ACO2: variants seen among roughly 807,000 people sequenced by gnomAD.
The protein encoded by ACO2 is aconitase 2, also known as aconitate hydratase, mitochondrial.
A neutral mutation model predicts 84.5 loss-of-function variants in ACO2; 31 were observed. The ratio of observed to expected loss-of-function variants is 0.37; its 90% CI spans 0.28 to 0.50. The LOEUF (loss-of-function observed/expected upper bound fraction) is 0.50. ACO2 is among the 20% of genes least tolerant of loss of function. The pLI is 0.97. For synonymous variants in ACO2, 414 were observed against 412.7 expected (o/e 1.00, Z -0.04); for missense variants, 685 against 1,029.3 (o/e 0.67, Z 4.58).
rs1253959945 is a variant in ACO2, at chr22:41,528,712, G to A, written c.*99G>A. ...CAGCCATGGCTTCCTATTCCAAGAT[G>A]GTGTGACCAGACATGCTTCCTGCTC... On this transcript the variant is annotated 3_prime_UTR_variant, in exon 18 of 18. Coordinates refer to ENST00000216254, the MANE Select transcript of ACO2 (RefSeq NM_001098.3). 6.7e-7 allele frequency: 1 copy of A among 1,489,270 alleles called. No homozygotes were observed. Among genetic ancestry groups the A allele is most frequent in the Non-Finnish European group, 9.0e-7 (1 of 1,112,600 alleles). 92.3% of individuals were successfully genotyped at this position (1,489,270 alleles called of 1,614,324 possible).
intron 1 of ACO2, among the ~76,000 whole-genome samples, chr22:41,472,869 T>G: frequency 6.6e-6 from 1 of 152,240 alleles, no homozygotes; most frequent in East Asian, 1.9e-4. Flanking sequence ...ATTAGGTGTT[T>G]GGTTTTGCCT....
chr22:41,499,766 T>C lies in ACO2; in HGVS notation c.77T>C (p.Leu26Pro). ...GVRQYHVASV[L>P]CQRAKVAMSH... is the part of the protein sequence containing the mutation. ...CGGCAGTACCATGTGGCCTCAGTCC[T>C]GTGCCAACGGGCCAAGGTGGCGATG... is the stretch of plus-strand genomic sequence containing the variant. Residue 26 changes from leucine to proline, a missense_variant, in exon 2 of 18, where the codon CTG becomes CCG. Physicochemically the swap from Leu to Pro is moderately conservative, Grantham distance 98. Coordinates refer to ENST00000216254, the MANE Select transcript of ACO2 (RefSeq NM_001098.3). 6.2e-7 allele frequency: 1 copy of C among 1,613,882 alleles called. No homozygotes were observed. The highest frequency in any genetic ancestry group is 8.5e-7 in the Non-Finnish European group (1 of 1,180,024).
At chr22:41,479,673 G>T (rs571399415) in intron 1 of ACO2, among the ~76,000 whole-genome samples, 1 of 152,230 alleles carries the variant, frequency 6.6e-6, no homozygotes, top group Non-Finnish European at 1.5e-5. Context: ...TGGGGGAGAG[G>T]CTAGAGGGGT....
chr22:41,518,699 C>T lies in ACO2; in HGVS notation c.1032+127C>T, dbSNP rs577358969. ...CTGTAATCCCAGCACTTTGGGAGGC[C>T]AAGGCAGGTGGGTCAGTTGAGGTCA... On this transcript the variant is annotated intron_variant, in intron 8 of 17. Transcript: ENST00000216254. 6.7e-3 allele frequency: 4,873 copies of T among 731,532 alleles called. 33 individuals carry two copies. The highest frequency in any genetic ancestry group is 9.1e-3 in the Non-Finnish European group (3,874 of 423,498). The allele number at this position is 731,532 out of a possible 1,614,324, so 45.3% of individuals were successfully genotyped here.
chr22:41,503,512 G>A (rs1297334641), intron 2 of ACO2, among the ~76,000 whole-genome samples: 1 of 152,010 alleles, frequency 6.6e-6, no homozygotes, highest in Non-Finnish European at 1.5e-5. Flanking sequence ...TGTATTTTTA[G>A]TAGAGAAGGG....
At chr22:41,502,033 A>G (rs2066357164) in intron 2 of ACO2, among the ~76,000 whole-genome samples, 2 of 152,072 alleles carry the variant, frequency 1.3e-5, no homozygotes, top group South Asian at 2.1e-4. Flanking sequence ...TCTGCAGGTA[A>G]CAAAATTGAA....
At chr22:41,491,903 G>A (rs1000102728) in intron 1 of ACO2, among the ~76,000 whole-genome samples, 2 of 152,138 alleles carry the variant, frequency 1.3e-5, no homozygotes, top group East Asian at 1.9e-4. Flanking sequence ...TCTTCAATCC[G>A]AACTACCACA....
At chr22:41,522,759 T>C (rs1275192449) in intron 9 of ACO2, 71 bp from the exon 10 acceptor site, 103 of 1,547,718 alleles carry the variant, frequency 6.7e-5, no homozygotes, top group Non-Finnish European at 8.6e-5. Context: ...TCTGGATAAT[T>C]TGAAGTCAGG....
intron 2 of ACO2, among the ~76,000 whole-genome samples, chr22:41,504,711 CTTTTTTTTTTTTTTTTT>C (rs926246283): frequency 4.1e-5 from 2 of 48,604 alleles, no homozygotes; most frequent in South Asian, 7.8e-4. Context: ...ACCTTAGGGA[CTTTTTTTTTTTTTTTTT>C]TTTTTTTTTT....
chr22:41,525,918 C>T (rs1458358627), intron 14 of ACO2: 2 of 249,174 alleles, frequency 8.0e-6, no homozygotes, highest in Non-Finnish European at 1.5e-5. Flanking sequence ...AGGACCCAGG[C>T]ATGTCCTGGG....
intron 1 of ACO2, among the ~76,000 whole-genome samples, chr22:41,493,348 A>G (rs904859497): frequency 6.6e-6 from 1 of 152,014 alleles, no homozygotes; most frequent in Non-Finnish European, 1.5e-5. Flanking sequence ...CCATGTGTAG[A>G]GAATGAAATT....
chr22:41,485,815 G>A (rs1251684772), intron 1 of ACO2, among the ~76,000 whole-genome samples: 1 of 151,790 alleles, frequency 6.6e-6, no homozygotes, highest in Admixed American at 6.6e-5. Flanking sequence ...TCAAACTCCC[G>A]ACCTCAGGTG....
intron 1 of ACO2, among the ~76,000 whole-genome samples, chr22:41,493,004 C>T (rs537950646): frequency 5.9e-5 from 9 of 152,094 alleles, no homozygotes; most frequent in East Asian, 1.9e-4. Context: ...ATGGGAAGTC[C>T]GAGATTGAGG....
chr22:41,525,932 C>G (rs889544738), intron 14 of ACO2: 1 of 270,770 alleles, frequency 3.7e-6, no homozygotes, highest in African/African-American at 2.2e-5. Context: ...TCCTGGGCTC[C>G]TGTGTCCAGC....
At position 41,515,697 on chromosome 22, in the gene ACO2, G is replaced by A; in HGVS notation, c.685-70G>A. 6.2e-7 allele frequency: 1 copy of A among 1,608,784 alleles called. No homozygotes were observed. Among genetic ancestry groups the A allele is most frequent in the Non-Finnish European group, 8.5e-7 (1 of 1,177,484 alleles). On this transcript the variant is annotated intron_variant, in intron 5 of 17. Coordinates refer to ENST00000216254, the MANE Select transcript of ACO2 (RefSeq NM_001098.3). The surrounding 1 kb of genome is among the most constrained non-coding windows in gnomAD (Gnocchi z 5.8). ...AAGCAGCAATGTGAATGGCAGCAGG[G>A]CCATCCTGACTTCGTGGCTGGCACA... is the stretch of plus-strand genomic sequence containing the variant.
chr22:41,486,297 T>A (rs2038153973), intron 1 of ACO2, among the ~76,000 whole-genome samples: 2 of 151,940 alleles, frequency 1.3e-5, no homozygotes, highest in Admixed American at 6.6e-5. Flanking sequence ...ACTGTCAACC[T>A]CTTCTTTTTT....
intron 2 of ACO2, among the ~76,000 whole-genome samples, chr22:41,505,715 C>T (rs756899526): frequency 4.0e-5 from 6 of 151,850 alleles, no homozygotes; most frequent in Non-Finnish European, 5.9e-5. Context: ...GTAAATGCTA[C>T]GATAACGCTG....
chr22:41,482,614 T>C (rs541669104), intron 1 of ACO2, among the ~76,000 whole-genome samples: 3 of 152,188 alleles, frequency 2.0e-5, no homozygotes, highest in Non-Finnish European at 2.9e-5. Flanking sequence ...GGAGAAGACA[T>C]AATTGTGGTT....
intron 1 of ACO2, among the ~76,000 whole-genome samples, chr22:41,470,139 C>T (rs1025429241): frequency 1.3e-5 from 2 of 152,160 alleles, no homozygotes; most frequent in Non-Finnish European, 2.9e-5. Flanking sequence ...ATGATTTTTT[C>T]ACTTCTAACT....
Sources: allele counts gnomAD v4.1 joint callset (sites outside exome capture counted in the v4.1 genomes callset), GRCh38; gene constraint gnomAD v4.1.1; non-coding constraint Gnocchi (gnomAD v3.1); transcripts MANE v1.5; gene names NCBI Gene and HGNC (gene_info 2026-07-23, HGNC 2026-07-21).